Variants in HK1 observed in about 807,000 individuals in gnomAD.
HK1 encodes hexokinase-1.
A neutral mutation model predicts 91.6 loss-of-function variants in HK1; 28 were observed. The ratio of observed to expected loss-of-function variants is 0.31; its 90% confidence interval spans 0.23 to 0.42. The LOEUF is 0.42. Among genes scored for constraint, HK1 ranks in the 10% least tolerant of loss-of-function variants. The pLI, the probability that HK1 is intolerant of heterozygous loss-of-function variation, is 1.00. For synonymous variants in HK1, 430 were observed against 468.1 expected, an observed-to-expected ratio of 0.92 and a Z score of 1.05; for missense variants, 770 against 1,219.8, an observed-to-expected ratio of 0.63 and a Z score of 5.49.
chr10:69,375,457 G>A lies in HK1; in HGVS notation c.876-1477G>A, dbSNP rs10998749. On this transcript the variant is annotated intron_variant, in intron 7 of 17. Transcript: ENST00000359426. The stretch of plus-strand genomic sequence containing the variant: ...GCCTGGGGTGGCACCAGACTTAGAA[G>A]GGCACTGTCCTGCCAGGGATCCTCT... Among the ~76,000 whole-genome samples the A allele has an allele frequency of 1.5e-3, 235 of 152,278 alleles. 1 individual carries two copies. The highest frequency in any genetic ancestry group is 5.5e-3 in the African/African-American group (228 of 41,566).
chr10:69,290,797 G>T (rs1845266019), intron 3 of HK1, among the ~76,000 whole-genome samples: 1 of 152,162 alleles, frequency 6.6e-6, no homozygotes. Flanking sequence ...TCTGTGCTCA[G>T]CCCCTCTCAG....
At chr10:69,328,930 CTT>C (rs750950736) in intron 1 of HK1, among the ~76,000 whole-genome samples, 144 of 152,052 alleles carry the variant, frequency 9.5e-4, no homozygotes, top group Non-Finnish European at 1.8e-3. Flanking sequence ...TGTCTAGCCT[CTT>C]TTATTTAGCA....
intron 4 of HK1, among the ~76,000 whole-genome samples, chr10:69,366,100 G>C (rs1849687437): frequency 6.6e-6 from 1 of 152,148 alleles, no homozygotes; most frequent in South Asian, 2.1e-4. Context: ...CAAAGTGCTG[G>C]GATTACAGAC....
At chr10:69,291,557 C>T (rs1358870876) in intron 3 of HK1, among the ~76,000 whole-genome samples, 1 of 152,154 alleles carries the variant, frequency 6.6e-6, no homozygotes, top group African/African-American at 2.4e-5. Context: ...AATTCCTTTG[C>T]CAAGCTTGTA....
At chr10:69,318,821 A>T, upstream of HK1, 1 of 1,422,890 alleles carries the variant, frequency 7.0e-7, no homozygotes. Flanking sequence ...CCCCGGGCCG[A>T]GGGGGAGGAG....
chr10:69,343,357 G>A (rs1848386949), intron 1 of HK1, among the ~76,000 whole-genome samples: 1 of 152,154 alleles, frequency 6.6e-6, no homozygotes, highest in African/African-American at 2.4e-5. Context: ...CAGTTTTTCA[G>A]TTGAGGAAAC....
At chr10:69,386,679 GA>G (rs1839650108) in intron 13 of HK1, 1 of 367,052 alleles carries the variant, frequency 2.7e-6, no homozygotes, top group African/African-American at 2.1e-5. Flanking sequence ...CTACTCGGGA[GA>G]CTGAGGCAGA....
chr10:69,340,919 T>C (rs1848255208), intron 1 of HK1, among the ~76,000 whole-genome samples: 1 of 151,926 alleles, frequency 6.6e-6, no homozygotes, highest in East Asian at 1.9e-4. Context: ...CCACCCTCCC[T>C]CCCCTTCGGA....
intron 7 of HK1, among the ~76,000 whole-genome samples, chr10:69,373,865 C>T (rs1850148665): frequency 2.0e-5 from 3 of 152,188 alleles, no homozygotes. Flanking sequence ...GCTGGCATTA[C>T]AGGTGTGAGC....
chr10:69,322,890 CAA>C (rs36022169), intron 1 of HK1, among the ~76,000 whole-genome samples: 2,918 of 114,388 alleles, frequency 0.026, 103 homozygotes, highest in African/African-American at 0.089. Flanking sequence ...AACTCCGTCT[CAA>C]AAAAAAAAAA....
At chr10:69,390,218 G>A (rs932883154) in intron 14 of HK1, among the ~76,000 whole-genome samples, 37 of 152,230 alleles carry the variant, frequency 2.4e-4, no homozygotes, top group African/African-American at 7.2e-4. Context: ...TTTGGGGCCT[G>A]GCTTTCTCCA....
intron 16 of HK1, among the ~76,000 whole-genome samples, chr10:69,395,562 A>G (rs2132955923): frequency 6.6e-6 from 1 of 152,348 alleles, no homozygotes; most frequent in Middle Eastern, 3.4e-3. Context: ...TGGCCTGGCA[A>G]CAGAGCGAGA....
intron 2 of HK1, among the ~76,000 whole-genome samples, chr10:69,344,458 G>T (rs757882982): frequency 3.0e-4 from 46 of 152,172 alleles, no homozygotes; most frequent in Non-Finnish European, 5.9e-5. Context: ...CAATCCTAAT[G>T]GACAGGTGGG....
chr10:69,401,234 A>G lies in HK1; in HGVS notation c.*99A>G, dbSNP rs1840376713. On this transcript the variant is annotated 3_prime_UTR_variant, in exon 18 of 18. Transcript: ENST00000359426. ...AGTTGCGCTGGGAGACGCTGGCGCC[A>G]GGGCCTGCCGGCGCGGGGAGGAAAG... The G allele has an allele frequency of 4.8e-6, 7 of 1,446,598 alleles. No homozygotes were observed. The highest frequency in any genetic ancestry group is 1.4e-5 in the African/African-American group (1 of 70,902). The allele number at this position is 1,446,598 out of a possible 1,614,324, so 89.6% of individuals were successfully genotyped here.
intron 1 of HK1, among the ~76,000 whole-genome samples, chr10:69,281,895 A>C (rs1041980592): frequency 5.9e-5 from 9 of 152,180 alleles, no homozygotes; most frequent in Admixed American, 2.0e-4. Flanking sequence ...CTCTGGTGCC[A>C]ACCAGAGGTT....
intron 2 of HK1, among the ~76,000 whole-genome samples, chr10:69,286,987 A>C (rs893387424): frequency 6.6e-6 from 1 of 152,194 alleles, no homozygotes; most frequent in African/African-American, 2.4e-5. Flanking sequence ...TATGCACTCC[A>C]TCAGTAAAAT....
chr10:69,401,393 T>C lies in HK1; in HGVS notation c.*258T>C. ...TGATTTTGACCTGGTCCCCCACGTG[T>C]GAAGTGTAGTGGCATCCATTTCTAA... On this transcript the variant is annotated 3_prime_UTR_variant, in exon 18 of 18. Transcript: ENST00000359426. 1.7e-6 allele frequency: 1 copy of C among 572,778 alleles called. No homozygotes were observed. Among genetic ancestry groups the C allele is most frequent in the South Asian group, 2.0e-5 (1 of 50,608 alleles). The allele number at this position is 572,778 out of a possible 1,614,324, so 35.5% of individuals were successfully genotyped here.
At chr10:69,363,505 A>G (rs562229479) in intron 3 of HK1, among the ~76,000 whole-genome samples, 1 of 152,148 alleles carries the variant, frequency 6.6e-6, no homozygotes, top group African/African-American at 2.4e-5. Flanking sequence ...CAGCCTCCCA[A>G]GTAGCTAGGA....
At chr10:69,280,104 T>C (rs1167114679) in intron 1 of HK1, among the ~76,000 whole-genome samples, 4 of 151,474 alleles carry the variant, frequency 2.6e-5, no homozygotes, top group Non-Finnish European at 5.9e-5. Flanking sequence ...CAGATTTAAC[T>C]GGCCAATGAT....
Sources: allele counts gnomAD v4.1 joint callset (sites outside exome capture counted in the v4.1 genomes callset), GRCh38; gene constraint gnomAD v4.1.1; transcripts MANE v1.5; gene names NCBI Gene and HGNC (gene_info 2026-07-23, HGNC 2026-07-21).